ADAMTSL1: variants seen among roughly 807,000 people sequenced by gnomAD.
The protein encoded by ADAMTSL1 is ADAMTS like 1.
A neutral mutation model predicts 201.8 loss-of-function variants in ADAMTSL1; 126 were observed. The ratio of observed to expected loss-of-function variants is 0.62; its 90% CI spans 0.54 to 0.72. ADAMTSL1 has a LOEUF of 0.72. Ranked by LOEUF, ADAMTSL1 falls within the 30% of genes least tolerant of loss-of-function variation. The probability of loss-of-function intolerance (pLI) is 0.00; values close to 1 mark genes in which losing one functional copy is unlikely to be tolerated. For synonymous variants in ADAMTSL1, 1,121 were observed against 903.4 expected (o/e 1.24, Z -4.32); for missense variants, 2,679 against 2,277.8 (o/e 1.18, Z -3.59).
At chr9:18,406,612 T>A (rs1423576652) in intron 2 of ADAMTSL1, among the ~76,000 whole-genome samples, 1 of 152,182 alleles carries the variant, frequency 6.6e-6, no homozygotes, top group East Asian at 1.9e-4. Context: ...ATTACAGGCG[T>A]GAGCCACCAT....
intron 2 of ADAMTSL1, among the ~76,000 whole-genome samples, chr9:18,353,119 A>C (rs948950891): frequency 2.0e-5 from 3 of 152,176 alleles, no homozygotes; most frequent in South Asian, 4.1e-4. Flanking sequence ...CTTGACTTCA[A>C]TGTCAGGCTT....
intron 15 of ADAMTSL1, among the ~76,000 whole-genome samples, chr9:18,747,616 G>A (rs1335537986): frequency 6.6e-6 from 1 of 152,094 alleles, no homozygotes; most frequent in Non-Finnish European, 1.5e-5. Context: ...GGAAGCTGTG[G>A]ACAGGAATAA....
chr9:18,878,769 G>T (rs1316343714), intron 23 of ADAMTSL1, among the ~76,000 whole-genome samples: 2 of 152,180 alleles, frequency 1.3e-5, no homozygotes, highest in Non-Finnish European at 1.5e-5. Context: ...ATGCTGCTCT[G>T]TACATCTGAG....
intron 15 of ADAMTSL1, among the ~76,000 whole-genome samples, chr9:18,736,563 C>G (rs959637858): frequency 2.0e-5 from 3 of 152,142 alleles, no homozygotes; most frequent in African/African-American, 7.2e-5. Flanking sequence ...GTGCTGTTTT[C>G]CAGCTCACCC....
At chr9:18,807,275 C>T (rs1329248937) in intron 20 of ADAMTSL1, among the ~76,000 whole-genome samples, 2 of 152,180 alleles carry the variant, frequency 1.3e-5, no homozygotes, top group Non-Finnish European at 2.9e-5. Context: ...AATGTAAACC[C>T]TATCAATTTC....
chr9:18,125,780 G>A (rs1825706256), intron 1 of ADAMTSL1, among the ~76,000 whole-genome samples: 1 of 152,140 alleles, frequency 6.6e-6, no homozygotes, highest in African/African-American at 2.4e-5. Context: ...CCACACTGCT[G>A]ACAGTAATTA....
At chr9:17,919,118 A>T (rs1318714191) in intron 1 of ADAMTSL1, among the ~76,000 whole-genome samples, 2 of 151,752 alleles carry the variant, frequency 1.3e-5, no homozygotes, top group African/African-American at 4.8e-5. Context: ...TGACTTCCTA[A>T]TTCTCTTTCA....
intron 1 of ADAMTSL1, among the ~76,000 whole-genome samples, chr9:18,502,895 T>G (rs1252435166): frequency 6.6e-6 from 1 of 152,070 alleles, no homozygotes. Flanking sequence ...AGAGCCCATA[T>G]ATGTTTATAC....
chr9:18,652,308 G>T (rs1200769908), intron 7 of ADAMTSL1, among the ~76,000 whole-genome samples: 1 of 147,476 alleles, frequency 6.8e-6, no homozygotes, highest in Non-Finnish European at 1.5e-5. Context: ...GGAGGCGGAG[G>T]TTACAAAGAT....
intron 2 of ADAMTSL1, among the ~76,000 whole-genome samples, chr9:18,171,109 C>T (rs1233858288): frequency 2.0e-5 from 3 of 151,970 alleles, no homozygotes; most frequent in African/African-American, 7.2e-5. Context: ...ATGAGTGTTG[C>T]TCTATTTGTT....
At chr9:17,916,383 T>A (rs754609791) in intron 1 of ADAMTSL1, among the ~76,000 whole-genome samples, 1 of 152,232 alleles carries the variant, frequency 6.6e-6, no homozygotes, top group Non-Finnish European at 1.5e-5. Flanking sequence ...TTGTTCTTGT[T>A]TCTAATAAAT....
intron 19 of ADAMTSL1, among the ~76,000 whole-genome samples, chr9:18,783,907 G>A (rs1588104252): frequency 6.6e-6 from 1 of 152,220 alleles, no homozygotes; most frequent in African/African-American, 2.4e-5. Flanking sequence ...GCTACTGCCA[G>A]AGCATCTTTC....
At chr9:18,376,307 G>A (rs571835076) in intron 2 of ADAMTSL1, among the ~76,000 whole-genome samples, 2 of 152,298 alleles carry the variant, frequency 1.3e-5, no homozygotes, top group Admixed American at 6.5e-5. Context: ...ACACAGATAT[G>A]TATAATGCAA....
At chr9:17,989,995 A>G (rs953640127) in intron 1 of ADAMTSL1, among the ~76,000 whole-genome samples, 1 of 151,678 alleles carries the variant, frequency 6.6e-6, no homozygotes, top group African/African-American at 2.4e-5. Context: ...AAGTTCCTGA[A>G]GGTAAGTTCA....
intron 2 of ADAMTSL1, among the ~76,000 whole-genome samples, chr9:18,403,340 T>C (rs1832641): frequency 0.98 from 149,728 of 152,070 alleles, 73,751 homozygotes; most frequent in East Asian, 1. Flanking sequence ...CACACCACCA[T>C]GCCCAGCTAA....
intron 2 of ADAMTSL1, among the ~76,000 whole-genome samples, chr9:18,461,376 A>C (rs1199730779): frequency 2.0e-5 from 3 of 152,168 alleles, no homozygotes; most frequent in Non-Finnish European, 2.9e-5. Flanking sequence ...AATCGACAAA[A>C]ATTGTATGTA....
chr9:18,140,160 G>C (rs1321224032), intron 1 of ADAMTSL1, among the ~76,000 whole-genome samples: 1 of 152,106 alleles, frequency 6.6e-6, no homozygotes, highest in Non-Finnish European at 1.5e-5. Flanking sequence ...ACCCATAATA[G>C]GGAAGTTAGA....
intron 1 of ADAMTSL1, among the ~76,000 whole-genome samples, chr9:18,016,815 A>G (rs1028377538): frequency 6.6e-6 from 1 of 152,078 alleles, no homozygotes; most frequent in African/African-American, 2.4e-5. Flanking sequence ...GGTGACCAGT[A>G]TTCTGCGTCA....
chr9:18,290,559 G>T (rs948424016), intron 2 of ADAMTSL1, among the ~76,000 whole-genome samples: 1 of 152,078 alleles, frequency 6.6e-6, no homozygotes, highest in East Asian at 1.9e-4. Flanking sequence ...TCTCTCACAT[G>T]GGGGCTGTGA....
Sources: gnomAD v4.1 joint callset for allele counts (sites outside exome capture counted in the v4.1 genomes callset) on GRCh38, gnomAD v4.1.1 for gene constraint, MANE v1.5 for transcripts, NCBI Gene and HGNC (gene_info 2026-07-23, HGNC 2026-07-21) for gene names.